RPS6KB1: variants seen among roughly 807,000 people sequenced by gnomAD.
RPS6KB1 encodes ribosomal protein S6 kinase B1, also known as ribosomal protein S6 kinase beta-1.
In RPS6KB1, 12 loss-of-function variants were observed where a neutral mutation model predicts 70.2. That is an observed-to-expected ratio of 0.17 (90% confidence interval 0.11 to 0.28). RPS6KB1 has a LOEUF of 0.28. Among genes scored for constraint, RPS6KB1 ranks in the 10% least tolerant of loss-of-function variants. The pLI, the probability that RPS6KB1 is intolerant of heterozygous loss-of-function variation, is 1.00. For synonymous variants in RPS6KB1, 175 were observed against 211.2 expected, an observed-to-expected ratio of 0.83 and a Z score of 1.49; for missense variants, 270 against 646.6, an observed-to-expected ratio of 0.42 and a Z score of 6.32.
chr17:59,937,831 C>T (rs1459802895), intron 12 of RPS6KB1, among the ~76,000 whole-genome samples: 5 of 152,144 alleles, frequency 3.3e-5, no homozygotes, highest in African/African-American at 1.2e-4. Context: ...CGATTCAACC[C>T]ATAACAATAT....
chr17:59,941,783 G>A (rs1344747960), intron 13 of RPS6KB1, among the ~76,000 whole-genome samples: 1 of 151,214 alleles, frequency 6.6e-6, no homozygotes, highest in African/African-American at 2.4e-5. Flanking sequence ...ATAGGCGTGC[G>A]CCACCACGCC....
chr17:59,931,394 T>A (rs1038522820), intron 6 of RPS6KB1: 4 of 482,000 alleles, frequency 8.3e-6, no homozygotes, highest in Non-Finnish European at 1.5e-5. Context: ...CAATATATTC[T>A]AATGGCAAAA....
Position 59,905,556 on chromosome 17 carries a change from G to A in RPS6KB1, c.142-5006G>A, listed in dbSNP as rs1406787740. Among the ~76,000 whole-genome samples the A allele has an allele frequency of 2.0e-5, 3 of 151,488 alleles. No individual in the cohort carries two copies. The East Asian group carries it at 5.9e-4, about 30-fold the overall frequency. ...TTTTGCTCTTGTTGCCCAGGCTGGAGGGCAATGACACGCTCTCAGCTCACT... is the reference window on the plus strand; with the variant it reads ...TTTTGCTCTTGTTGCCCAGGCTGGAAGGCAATGACACGCTCTCAGCTCACT... On this transcript the variant is annotated intron_variant, in intron 1 of 14. Coordinates refer to ENST00000225577, the MANE Select transcript of RPS6KB1 (RefSeq NM_003161.4).
At chr17:59,909,671 G>GT (rs2042510729) in intron 1 of RPS6KB1, among the ~76,000 whole-genome samples, 1 of 151,622 alleles carries the variant, frequency 6.6e-6, no homozygotes, top group South Asian at 2.1e-4. Flanking sequence ...GAGGTCAGGA[G>GT]TTCGAGACCA....
In RPS6KB1 at chr17:59,908,613, A is replaced by ATTT. The variant is rs546677930; in HGVS notation, c.142-1928_142-1926dup. 5.1e-3 allele frequency among the ~76,000 whole-genome samples: 537 copies of ATTT among 106,172 alleles called. 3 individuals are homozygous for ATTT. The highest frequency in any genetic ancestry group is 8.7e-3 in the African/African-American group (244 of 28,058). The allele number at this position is 106,172 out of a possible 152,430, so 69.7% of individuals were successfully genotyped here. On this transcript the variant is annotated intron_variant, in intron 1 of 14. Transcript: ENST00000225577. Reference sequence around the variant, plus strand: ...ACAGTTAAGTTGTCATGTAAAAAAAATTTTTTTTTTTTTTTTTTTTTTTGA... The same window carrying ATTT: ...ACAGTTAAGTTGTCATGTAAAAAAAATTTTTTTTTTTTTTTTTTTTTTTTTTGA...
intron 4 of RPS6KB1, among the ~76,000 whole-genome samples, chr17:59,923,301 C>T (rs1302864595): frequency 1.3e-5 from 2 of 151,956 alleles, no homozygotes; most frequent in Non-Finnish European, 1.5e-5. Context: ...CAGTCATTCT[C>T]GTGCCTCAGC....
intron 1 of RPS6KB1, among the ~76,000 whole-genome samples, chr17:59,900,749 T>C (rs2041885776): frequency 6.6e-6 from 1 of 152,206 alleles, no homozygotes; most frequent in Admixed American, 6.6e-5. Flanking sequence ...CTATATATTA[T>C]AATGTCAGTA....
rs561434097 is a variant in RPS6KB1 at position 59,916,117 on chromosome 17, T to A, written c.381+1414T>A. Among the ~76,000 whole-genome samples, 22 of 150,684 alleles carry A rather than the reference T, an allele frequency of 1.5e-4. 1 individual carries two copies. In the South Asian group the frequency reaches 3.3e-3, roughly 23 times the overall value. On this transcript the variant is annotated intron_variant, in intron 4 of 14. Coordinates refer to ENST00000225577, the MANE Select transcript of RPS6KB1 (RefSeq NM_003161.4). ...AATTCAGCAGTTTTCAATTTTTTTT[T>A]TTAGACGGAGCCTCACTCTGTTGCC...
At position 59,934,145 on chromosome 17, in the gene RPS6KB1, A is replaced by T; in HGVS notation, c.689-25A>T. The T allele has an allele frequency of 7.5e-7, 1 of 1,335,324 alleles. No individual in the cohort carries two copies. The highest frequency in any genetic ancestry group is 1.8e-4 in the Middle Eastern group (1 of 5,496). 82.7% of individuals were successfully genotyped at this position (1,335,324 alleles called of 1,614,324 possible). A position where few individuals can be genotyped will look rare whatever the true frequency, so the allele number is the denominator to read the frequency against. On this transcript the variant is annotated intron_variant, in intron 7 of 14. Coordinates refer to ENST00000225577, the MANE Select transcript of RPS6KB1 (RefSeq NM_003161.4). This position sits in a 1 kb window ranked among gnomAD's most constrained non-coding sequence, Gnocchi z 4.8. ...GCACATACTTATAATTCGGAGAATA[A>T]TCATGCTGTAATCTTTCATTGTAGG...
intron 4 of RPS6KB1, among the ~76,000 whole-genome samples, chr17:59,923,800 GC>G (rs2043423716): frequency 6.6e-6 from 1 of 151,976 alleles, no homozygotes; most frequent in African/African-American, 2.4e-5. Context: ...TAGCCACCGT[GC>G]CCGACCACAT....
chr17:59,919,806 TTCTA>T (rs1207647534), intron 4 of RPS6KB1, among the ~76,000 whole-genome samples: 2 of 152,140 alleles, frequency 1.3e-5, no homozygotes, highest in Non-Finnish European at 2.9e-5. Context: ...ACCTTCTGCC[TTCTA>T]CAGTCTTCAG....
At chr17:59,941,767 G>C (rs2044606515) in intron 13 of RPS6KB1, among the ~76,000 whole-genome samples, 1 of 151,608 alleles carries the variant, frequency 6.6e-6, no homozygotes, top group African/African-American at 2.4e-5. Context: ...CCGAGTAGCT[G>C]GGACTATAGG....
chr17:59,913,007 A>G (rs1397476634), intron 3 of RPS6KB1, among the ~76,000 whole-genome samples: 1 of 152,218 alleles, frequency 6.6e-6, no homozygotes, highest in Non-Finnish European at 1.5e-5. Flanking sequence ...AGCCTGGCAC[A>G]TAATAGGTAC....
intron 4 of RPS6KB1, among the ~76,000 whole-genome samples, chr17:59,916,604 G>A (rs558901491): frequency 6.6e-6 from 1 of 152,252 alleles, no homozygotes; most frequent in East Asian, 1.9e-4. Context: ...ATTTCCCAGA[G>A]GCATATCTTA....
chr17:59,924,771 C>T (rs2043497643), intron 4 of RPS6KB1, among the ~76,000 whole-genome samples: 1 of 149,998 alleles, frequency 6.7e-6, no homozygotes, highest in South Asian at 2.1e-4. Flanking sequence ...TTTAAGTACT[C>T]TTTTGTATCT....
Position 59,905,835 on chromosome 17 carries a change from T to A in RPS6KB1, c.142-4727T>A, listed in dbSNP as rs546936658. Among the ~76,000 whole-genome samples the A allele has an allele frequency of 4.6e-5, 7 of 152,046 alleles. No individual in the cohort carries two copies. In the South Asian group the frequency reaches 8.3e-4, roughly 18 times the overall value. The stretch of plus-strand genomic sequence containing the variant: ...GGAGGACCTTTTTTTTATTATTATT[T>A]TTTTGAGACAGAATCTTGCTCTGTT... On this transcript the variant is annotated intron_variant, in intron 1 of 14. Coordinates refer to ENST00000225577, the MANE Select transcript of RPS6KB1 (RefSeq NM_003161.4).
In RPS6KB1 at chr17:59,946,673, T is replaced by C; in HGVS notation, c.1463T>C (p.Met488Thr). ...GGCATAGAGCAGATGGATGTGACAA[T>C]GAGTGGGGAAGCATCGGCACCACTT... ...TSGIEQMDVT[M>T]SGEASAPLPI... Residue 488 changes from methionine to threonine, a missense_variant, in exon 15 of 15, where the codon ATG (methionine) becomes ACG (threonine). By Grantham distance (81) the Met-to-Thr change is moderately conservative. This residue lies in a region of RPS6KB1 where 133 missense variants were observed against 314.7 expected (regional missense o/e 0.42). Transcript: ENST00000225577. The surrounding 1 kb of genome is among the most constrained non-coding windows in gnomAD (Gnocchi z 4.2). 1 of 1,614,100 alleles carries C rather than the reference T, an allele frequency of 6.2e-7. No individual in the cohort carries two copies. The highest frequency in any genetic ancestry group is 8.5e-7 in the Non-Finnish European group (1 of 1,180,016).
intron 1 of RPS6KB1, among the ~76,000 whole-genome samples, chr17:59,899,805 C>T (rs2144675238): frequency 6.6e-6 from 1 of 152,072 alleles, no homozygotes; most frequent in Non-Finnish European, 1.5e-5. Flanking sequence ...TTTGGTCACA[C>T]CATGAGTGAG....
chr17:59,905,635 G>A (rs2042220430), intron 1 of RPS6KB1, among the ~76,000 whole-genome samples: 1 of 151,642 alleles, frequency 6.6e-6, no homozygotes, highest in Non-Finnish European at 1.5e-5. Flanking sequence ...CTCCTGAGTA[G>A]CTGGGATTAC....
Sources: allele counts gnomAD v4.1 joint callset (sites outside exome capture counted in the v4.1 genomes callset), GRCh38; gene constraint gnomAD v4.1.1; regional missense constraint gnomAD v4.1.1; non-coding constraint Gnocchi (gnomAD v3.1); transcripts MANE v1.5; gene names NCBI Gene and HGNC (gene_info 2026-07-23, HGNC 2026-07-21).